Variants in AGBL2 observed in about 807,000 individuals in gnomAD.
AGBL2 encodes cytosolic carboxypeptidase 2.
In AGBL2, 87 loss-of-function variants were observed where a neutral mutation model predicts 103.0. The observed-to-expected ratio is 0.84, with a 90% CI of 0.71 to 1.01. AGBL2 has a LOEUF of 1.01. Among genes scored for constraint, AGBL2 ranks in the 50% least tolerant of loss-of-function variants. The pLI is 0.00. For synonymous variants in AGBL2, 335 were observed against 356.7 expected, an observed-to-expected ratio of 0.94 and a Z score of 0.69; for missense variants, 904 against 1,023.5, an observed-to-expected ratio of 0.88 and a Z score of 1.59.
At chr11:47,699,067 ACT>A (rs2153804835) in intron 8 of AGBL2, among the ~76,000 whole-genome samples, 1 of 152,060 alleles carries the variant, frequency 6.6e-6, no homozygotes, top group African/African-American at 2.4e-5. Flanking sequence ...GAAGCTTAAA[ACT>A]CAACACAGGA....
chr11:47,687,399 C>G (rs1415552757), intron 10 of AGBL2, among the ~76,000 whole-genome samples: 1 of 151,956 alleles, frequency 6.6e-6, no homozygotes, highest in Non-Finnish European at 1.5e-5. Flanking sequence ...GAAAAAGAAC[C>G]CCACTTATAC....
chr11:47,682,702 C>A (rs1474714995), intron 11 of AGBL2, among the ~76,000 whole-genome samples: 1 of 152,132 alleles, frequency 6.6e-6, no homozygotes, highest in Admixed American at 6.6e-5. Flanking sequence ...ACCCCTCAGC[C>A]CTTGTGTGTC....
chr11:47,713,995 G>T, intron 3 of AGBL2: 1 of 341,568 alleles, frequency 2.9e-6, no homozygotes. Context: ...CTATTTTAAT[G>T]CCATATAGTA....
At chr11:47,708,225 G>A (rs1469086139) in intron 4 of AGBL2, among the ~76,000 whole-genome samples, 3 of 151,818 alleles carry the variant, frequency 2.0e-5, no homozygotes, top group Admixed American at 6.6e-5. Context: ...GCACCATCAC[G>A]TTGGGATAAT....
At chr11:47,707,943 A>G (rs1358783718) in intron 4 of AGBL2, among the ~76,000 whole-genome samples, 1 of 151,992 alleles carries the variant, frequency 6.6e-6, no homozygotes, top group Non-Finnish European at 1.5e-5. Flanking sequence ...ATTTAGAGAA[A>G]GGGTCTCTCT....
At chr11:47,672,276 G>T (rs2097359848) in intron 14 of AGBL2, among the ~76,000 whole-genome samples, 1 of 151,656 alleles carries the variant, frequency 6.6e-6, no homozygotes, top group Non-Finnish European at 1.5e-5. Flanking sequence ...ATCATGCCTA[G>T]CCACATCTTG....
intron 17 of AGBL2, among the ~76,000 whole-genome samples, chr11:47,665,329 G>A (rs2097338643): frequency 6.6e-6 from 1 of 152,008 alleles, no homozygotes; most frequent in Non-Finnish European, 1.5e-5. Context: ...TTACCGGTAT[G>A]AGCCACCGTG....
chr11:47,708,498 C>A (rs1241203146), intron 4 of AGBL2, among the ~76,000 whole-genome samples: 1 of 149,486 alleles, frequency 6.7e-6, no homozygotes, highest in Non-Finnish European at 1.5e-5. Context: ...GTATTTTTTC[C>A]AAAGAGAAGT....
chr11:47,691,497 G>A (rs901172322), intron 9 of AGBL2, among the ~76,000 whole-genome samples: 1 of 149,798 alleles, frequency 6.7e-6, no homozygotes. Context: ...CGCGAAATCA[G>A]GAGATCGAGA....
At chr11:47,674,609 G>T (rs1025578202) in intron 14 of AGBL2, among the ~76,000 whole-genome samples, 3 of 150,894 alleles carry the variant, frequency 2.0e-5, no homozygotes, top group African/African-American at 7.3e-5. Context: ...GGCCATAGAG[G>T]TATCAGGAGG....
chr11:47,687,559 A>G (rs1302651137), intron 10 of AGBL2, among the ~76,000 whole-genome samples: 1 of 151,728 alleles, frequency 6.6e-6, no homozygotes, highest in Non-Finnish European at 1.5e-5. Context: ...GTCTCAAAAA[A>G]AAAAAAGTGT....
intron 3 of AGBL2, among the ~76,000 whole-genome samples, chr11:47,712,857 T>C: frequency 6.6e-6 from 1 of 151,962 alleles, no homozygotes; most frequent in East Asian, 1.9e-4. Flanking sequence ...GCCAACATGG[T>C]GAAACCGTTT....
At chr11:47,715,147 G>A (rs1321550092) in intron 1 of AGBL2, 28 bp downstream of exon 1, 2 of 161,010 alleles carry the variant, frequency 1.2e-5, no homozygotes, top group African/African-American at 2.4e-5. Flanking sequence ...CCTAAGGGTA[G>A]GAGCGGGGAA....
At chr11:47,714,801 C>CT (rs776198135) in intron 1 of AGBL2, 51 bp from the exon 2 acceptor site, 21 of 757,100 alleles carry the variant, frequency 2.8e-5, no homozygotes, top group Non-Finnish European at 4.4e-5. Flanking sequence ...CCTCCCCGGG[C>CT]GCCCCCCAGC....
intron 14 of AGBL2, among the ~76,000 whole-genome samples, chr11:47,673,222 C>A (rs1340529487): frequency 1.3e-5 from 2 of 152,092 alleles, no homozygotes; most frequent in Non-Finnish European, 2.9e-5. Context: ...CATGGTGGCT[C>A]ATGCTTGTCA....
chr11:47,664,889 T>TAA (rs1211293060), intron 17 of AGBL2, among the ~76,000 whole-genome samples: 2 of 127,244 alleles, frequency 1.6e-5, no homozygotes, highest in African/African-American at 6.1e-5. Flanking sequence ...TTTTTTTTTT[T>TAA]TTTTTAATTT....
chr11:47,713,297 T>C (rs1018828103), intron 3 of AGBL2, among the ~76,000 whole-genome samples: 1 of 150,012 alleles, frequency 6.7e-6, no homozygotes, highest in Non-Finnish European at 1.5e-5. Context: ...TGAGCCGAGA[T>C]TGCGCCATTG....
In AGBL2 at chr11:47,690,142, C is replaced by T. The variant is rs1286897561; in HGVS notation, c.1565G>A (p.Arg522Lys). Residue 522 changes from arginine (R) to lysine (K), a missense_variant, in exon 10 of 19, where the codon AGG (arginine) becomes AAG (lysine). Transcript: ENST00000525123. ...RCSLAGRDLN[R>K]HYKTILKESF... ...CTCCTTCAGAATGGTTTTATAATGCCTGTTCAAATCCCTTCCGGCCAAGGA... is the reference window on the plus strand; with the variant it reads ...CTCCTTCAGAATGGTTTTATAATGCTTGTTCAAATCCCTTCCGGCCAAGGA... The T allele has an allele frequency of 6.2e-6, 10 of 1,614,062 alleles. No homozygotes were observed. The highest frequency in any genetic ancestry group is 2.2e-5 in the East Asian group (1 of 44,890).
At chr11:47,701,028 C>T (rs2153804961) in intron 7 of AGBL2, among the ~76,000 whole-genome samples, 1 of 151,322 alleles carries the variant, frequency 6.6e-6, no homozygotes, top group Admixed American at 6.6e-5. Flanking sequence ...CGCACTCCAG[C>T]CTGGGCGACA....
Sources: allele counts gnomAD v4.1 joint callset (sites outside exome capture counted in the v4.1 genomes callset), GRCh38; gene constraint gnomAD v4.1.1; transcripts MANE v1.5; gene names NCBI Gene and HGNC (gene_info 2026-07-23, HGNC 2026-07-21).